Variants in ATXN3 observed in about 807,000 individuals in gnomAD.
ATXN3 encodes the protein ataxin 3.
In ATXN3, 28 loss-of-function variants were observed where a neutral mutation model predicts 58.2. The observed-to-expected ratio is 0.48, with a 90% CI of 0.36 to 0.66. The LOEUF (loss-of-function observed/expected upper bound fraction) is 0.66, where lower values mean the gene tolerates loss of function less well. Ranked by LOEUF, ATXN3 falls within the 30% of genes least tolerant of loss-of-function variation. The pLI, the probability that ATXN3 is intolerant of heterozygous loss-of-function variation, is 0.00. For missense variants in ATXN3, 321 were observed against 422.1 expected, an observed-to-expected ratio of 0.76 and a Z score of 2.10; for synonymous variants, 113 against 138.5, an observed-to-expected ratio of 0.82 and a Z score of 1.29.
downstream of ATXN3, among the ~76,000 whole-genome samples, chr14:92,055,082 ATG>A (rs1471357854): frequency 6.6e-6 from 1 of 152,138 alleles, no homozygotes; most frequent in Non-Finnish European, 1.5e-5. This position sits in a 1 kb window ranked among gnomAD's most constrained non-coding sequence, Gnocchi z 4.5. Context: ...AGGTTTCACC[ATG>A]TTGGTCAGGC....
downstream of ATXN3, among the ~76,000 whole-genome samples, chr14:92,057,816 C>T (rs942069719): frequency 1.3e-5 from 2 of 152,010 alleles, no homozygotes; most frequent in Non-Finnish European, 2.9e-5. Context: ...CTTTGTTTGG[C>T]CCTCAGTATT....
Position 92,059,033 on chromosome 14 carries a change from TATCCATTTATATTTTACTAATGTTTCTC to T in ATXN3, c.*5259_*5286del, listed in dbSNP as rs1437008176. 1 of 152,070 alleles carries T rather than the reference TATCCATTTATATTTTACTAATGTTTCTC, an allele frequency of 6.6e-6. No individual in the cohort carries two copies. Among genetic ancestry groups the T allele is most frequent in the Non-Finnish European group, 1.5e-5 (1 of 68,016 alleles). 9.4% of individuals were successfully genotyped at this position (152,070 alleles called of 1,614,324 possible). A position where few individuals can be genotyped will look rare whatever the true frequency, so the allele number is the denominator to read the frequency against. On this transcript the variant is annotated 3_prime_UTR_variant, in exon 11 of 11. Coordinates refer to ENST00000644486, the MANE Select transcript of ATXN3 (RefSeq NM_004993.6). ...GAGAGCTTCCTAAATGCATCAGGAATATCCATTTATATTTTACTAATGTTTCTCATTGCTTTGTCTATGAATCCACAGG... is the reference window on the plus strand; with the variant it reads ...GAGAGCTTCCTAAATGCATCAGGAATATTGCTTTGTCTATGAATCCACAGG...
At chr14:92,086,275 A>C (rs996835291) in intron 6 of ATXN3, among the ~76,000 whole-genome samples, 1 of 148,562 alleles carries the variant, frequency 6.7e-6, no homozygotes, top group African/African-American at 2.5e-5. Flanking sequence ...AAAAAAATTT[A>C]GCCGGGGCCA....
chr14:92,066,897 G>A (rs1402728701), intron 10 of ATXN3, among the ~76,000 whole-genome samples: 2 of 151,860 alleles, frequency 1.3e-5, no homozygotes, highest in Non-Finnish European at 2.9e-5. Context: ...AGCCTCCCAA[G>A]TAGCTAGGAT....
At chr14:92,088,193 C>A (rs980340849) in intron 6 of ATXN3, among the ~76,000 whole-genome samples, 5 of 152,144 alleles carry the variant, frequency 3.3e-5, no homozygotes, top group East Asian at 1.9e-4. Context: ...CTCAGCCTCC[C>A]GAGTAGCTCG....
chr14:92,094,650 A>G (rs967218206), intron 3 of ATXN3, among the ~76,000 whole-genome samples: 1 of 152,222 alleles, frequency 6.6e-6, no homozygotes, highest in Non-Finnish European at 1.5e-5. Flanking sequence ...TGTCTGACAA[A>G]AAAAGGGAAA....
At chr14:92,046,181 A>C (rs941632209) in intron 2 of ATXN3, 5 of 152,382 alleles carry the variant, frequency 3.3e-5, no homozygotes, top group African/African-American at 1.2e-4. Context: ...GCTCGAGTTA[A>C]GGCAATGAGT....
intron 1 of ATXN3, among the ~76,000 whole-genome samples, chr14:92,104,234 G>C (rs538616103): frequency 2.6e-5 from 4 of 152,208 alleles, no homozygotes; most frequent in Non-Finnish European, 4.4e-5. Context: ...TCTGCCTCTC[G>C]GGTTCAAGCA....
rs1566960169 is a variant in ATXN3, at chr14:92,088,827, A to C, written c.388-10T>G. 1 of 1,544,084 alleles carries C rather than the reference A, an allele frequency of 6.5e-7. No individual in the cohort carries two copies. Among genetic ancestry groups the C allele is most frequent in the Non-Finnish European group, 8.9e-7 (1 of 1,117,852 alleles). ...AATTCAAGTTAAACCACTGGAAAAA[A>C]ATTGTCAATATTTAAGTTAGTGTAT... is the stretch of plus-strand genomic sequence containing the variant. On this transcript the variant is annotated splice_polypyrimidine_tract_variant and intron_variant, in intron 5 of 10. Coordinates refer to ENST00000644486, the MANE Select transcript of ATXN3 (RefSeq NM_004993.6).
downstream of ATXN3, among the ~76,000 whole-genome samples, chr14:92,055,646 T>A (rs1289844516): frequency 6.6e-6 from 1 of 152,200 alleles, no homozygotes; most frequent in Non-Finnish European, 1.5e-5. This position sits in a 1 kb window ranked among gnomAD's most constrained non-coding sequence, Gnocchi z 4.5. Context: ...TCCTGGAAGA[T>A]GTGTGAGACG....
rs1258322926 is a variant in ATXN3 at position 92,064,295 on chromosome 14, A to G, written c.*25T>C. 1 of 1,493,478 alleles carries G rather than the reference A, an allele frequency of 6.7e-7. No individual in the cohort carries two copies. Among genetic ancestry groups the G allele is most frequent in the Admixed American group, 1.7e-5 (1 of 59,542 alleles). 92.5% of individuals were successfully genotyped at this position (1,493,478 alleles called of 1,614,324 possible). The stretch of plus-strand genomic sequence containing the variant: ...CACAGGATAATGTTGGAAAGTATGA[A>G]TATCTAAATTATTTTTTAAAGGTAT... On this transcript the variant is annotated 3_prime_UTR_variant, in exon 11 of 11. Coordinates refer to ENST00000644486, the MANE Select transcript of ATXN3 (RefSeq NM_004993.6).
downstream of ATXN3, among the ~76,000 whole-genome samples, chr14:92,054,197 G>C (rs947049629): frequency 3.3e-5 from 5 of 152,174 alleles, no homozygotes; most frequent in Admixed American, 3.3e-4. Flanking sequence ...ACCTCCCAAA[G>C]TGCTGGGATT....
chr14:92,082,736 C>A (rs2061692308), intron 7 of ATXN3, among the ~76,000 whole-genome samples: 1 of 150,142 alleles, frequency 6.7e-6, no homozygotes, highest in South Asian at 2.1e-4. Flanking sequence ...GTAGTCTCTA[C>A]CTCCCCAGTT....
chr14:92,086,928 G>A (rs2062724415), intron 6 of ATXN3, among the ~76,000 whole-genome samples: 1 of 152,122 alleles, frequency 6.6e-6, no homozygotes. Context: ...GACTGGTTTT[G>A]GTTAGAGGTA....
rs1323563524 is a variant in ATXN3 at position 92,061,655 on chromosome 14, C to T, written c.*2665G>A. ...TAATACACTTCTTAGCAGGACAGTT[C>T]TTGTGAATTTAGTTGTTCCTGACTT... On this transcript the variant is annotated 3_prime_UTR_variant, in exon 11 of 11. Transcript: ENST00000644486. 6.6e-6 allele frequency: 1 copy of T among 152,172 alleles called. No homozygotes were observed. The highest frequency in any genetic ancestry group is 2.4e-5 in the African/African-American group (1 of 41,452). The allele number at this position is 152,172 out of a possible 1,614,324, so 9.4% of individuals were successfully genotyped here. A position where few individuals can be genotyped will look rare whatever the true frequency, so the allele number is the denominator to read the frequency against.
At position 92,046,827 on chromosome 14, in the gene ATXN3, G is replaced by C. The variant is rs149962358; in HGVS notation, n.276+1069C>G. 2.1e-3 allele frequency among the ~76,000 whole-genome samples: 322 copies of C among 152,292 alleles called. 1 individual carries two copies. Among genetic ancestry groups the C allele is most frequent in the African/African-American group, 6.6e-3 (276 of 41,552 alleles). On this transcript the variant is annotated intron_variant and non_coding_transcript_variant, in intron 2 of 2. Transcript: ENST00000564606. ...ATCAGTCAGACATGATCAGCAGGGA[G>C]AGCACATGTGTTTTTATGAAGAATT...
rs751439402 is a variant in ATXN3, at chr14:92,106,580, C to A, written c.-28G>T. The A allele has an allele frequency of 6.2e-7, 1 of 1,610,712 alleles. No individual in the cohort carries two copies. The highest frequency in any genetic ancestry group is 8.5e-7 in the Non-Finnish European group (1 of 1,178,076). Reference sequence around the variant, plus strand: ...TTATTTGTCTGGAGCCAACGGCCCCCACGCCGAACCACCCCCTCCAGCTCC... The same window carrying A: ...TTATTTGTCTGGAGCCAACGGCCCCAACGCCGAACCACCCCCTCCAGCTCC... On this transcript the variant is annotated 5_prime_UTR_variant, in exon 1 of 11. Transcript: ENST00000644486.
chr14:92,096,144 AT>A lies in ATXN3; in HGVS notation c.190-8del. 1 of 742,046 alleles carries A rather than the reference AT, an allele frequency of 1.3e-6. No individual in the cohort carries two copies. The highest frequency in any genetic ancestry group is 2.1e-6 in the Non-Finnish European group (1 of 466,252). The allele number at this position is 742,046 out of a possible 1,614,324, so 46.0% of individuals were successfully genotyped here. On this transcript the variant is annotated splice_polypyrimidine_tract_variant and splice_region_variant and intron_variant, in intron 2 of 10. Coordinates refer to ENST00000644486, the MANE Select transcript of ATXN3 (RefSeq NM_004993.6). ...CCATATTTCCAGAAGGCTGCTGTTA[AT>A]TTTGACAGGTAGTTGAAGCAAGGGT...
intron 4 of ATXN3, 34 bp from the exon 5 acceptor site, chr14:92,093,352 T>C: frequency 3.7e-6 from 4 of 1,077,852 alleles, no homozygotes; most frequent in Non-Finnish European, 5.5e-6. Flanking sequence ...TAACTTGAAA[T>C]ATTGAATTCA....
Sources: allele counts gnomAD v4.1 joint callset (sites outside exome capture counted in the v4.1 genomes callset), GRCh38; gene constraint gnomAD v4.1.1; non-coding constraint Gnocchi (gnomAD v3.1); transcripts MANE v1.5; gene names NCBI Gene and HGNC (gene_info 2026-07-23, HGNC 2026-07-21).